The following HUNK variants were observed in gnomAD, a reference collection of about 807,000 sequenced individuals.
HUNK encodes hormonally up-regulated Neu-associated kinase.
In HUNK, 21 loss-of-function variants were observed where a neutral mutation model predicts 61.0. The ratio of observed to expected loss-of-function variants is 0.34; its 90% confidence interval spans 0.24 to 0.50. The LOEUF (loss-of-function observed/expected upper bound fraction) is 0.50, where lower values mean the gene tolerates loss of function less well. Among genes scored for constraint, HUNK ranks in the 20% least tolerant of loss-of-function variants. HUNK has a pLI of 0.98. For missense variants in HUNK, 772 were observed against 945.7 expected (o/e 0.82, Z 2.41); for synonymous variants, 371 against 386.1 (o/e 0.96, Z 0.46).
At chr21:31,933,126 G>C (rs1252112192) in intron 2 of HUNK, among the ~76,000 whole-genome samples, 1 of 151,594 alleles carries the variant, frequency 6.6e-6, no homozygotes, top group Non-Finnish European at 1.5e-5. Context: ...ATGTTGACCA[G>C]GCTGGCCTTG....
At chr21:31,972,943 G>C (rs977961223) in intron 6 of HUNK, among the ~76,000 whole-genome samples, 2 of 152,144 alleles carry the variant, frequency 1.3e-5, no homozygotes, top group Admixed American at 6.5e-5. Context: ...GCCGTGTGCA[G>C]TGGGCAAGTT....
intron 3 of HUNK, among the ~76,000 whole-genome samples, 162 bp downstream of exon 3, chr21:31,940,382 T>C (rs770796415): frequency 6.6e-6 from 1 of 152,352 alleles, no homozygotes; most frequent in East Asian, 1.9e-4. Flanking sequence ...AAATGGGTCA[T>C]GTGTTTCCTT....
At chr21:31,967,912 G>A (rs1008914231) in intron 5 of HUNK, among the ~76,000 whole-genome samples, 4 of 152,210 alleles carry the variant, frequency 2.6e-5, no homozygotes, top group Non-Finnish European at 4.4e-5. Flanking sequence ...TGGGAAACAC[G>A]GAATGGGGAG....
intron 9 of HUNK, among the ~76,000 whole-genome samples, chr21:31,994,746 G>T (rs1290444962): frequency 2.0e-5 from 3 of 152,206 alleles, no homozygotes; most frequent in African/African-American, 7.2e-5. Context: ...TAAGCTTTCT[G>T]TAAGCATCTG....
intron 9 of HUNK, among the ~76,000 whole-genome samples, chr21:31,992,674 G>T (rs146553283): frequency 1.3e-5 from 2 of 152,366 alleles, no homozygotes; most frequent in Admixed American, 6.5e-5. Flanking sequence ...GCATGTGGAA[G>T]GGGGAGGTGA....
chr21:31,892,842 G>A (rs1411285586), intron 1 of HUNK, among the ~76,000 whole-genome samples: 1 of 152,058 alleles, frequency 6.6e-6, no homozygotes, highest in Non-Finnish European at 1.5e-5. Flanking sequence ...CTGCATTCCT[G>A]GGATTCCACT....
At chr21:31,886,002 A>G (rs2052343083) in intron 1 of HUNK, among the ~76,000 whole-genome samples, 1 of 152,186 alleles carries the variant, frequency 6.6e-6, no homozygotes, top group South Asian at 2.1e-4. Flanking sequence ...AAATGCTGGG[A>G]TTACAGACTA....
rs1187426175 is a variant in HUNK, at chr21:32,000,632, C to T, written c.*1448C>T. ...GTGCAGGTGTGACCAGAGACCACCT[C>T]TGTGGCCACCTCAGATAGTCATCTC... On this transcript the variant is annotated 3_prime_UTR_variant, in exon 11 of 11. Transcript: ENST00000270112. 5.0e-6 allele frequency: 2 copies of T among 398,952 alleles called. No homozygotes were observed. Among genetic ancestry groups the T allele is most frequent in the Non-Finnish European group, 4.4e-6 (1 of 226,096 alleles). 24.7% of individuals were successfully genotyped at this position (398,952 alleles called of 1,614,324 possible). A position where few individuals can be genotyped will look rare whatever the true frequency, so the allele number is the denominator to read the frequency against.
chr21:32,003,766 T>C lies in HUNK; in HGVS notation c.*4582T>C, dbSNP rs1255254504. ...GACATGTTTTTGTGACACACAGTTA[T>C]CTCTAGGAGTTGACGTCTGTGGGCA... On this transcript the variant is annotated 3_prime_UTR_variant, in exon 11 of 11. Coordinates refer to ENST00000270112, the MANE Select transcript of HUNK (RefSeq NM_014586.2). 1 of 152,220 alleles carries C rather than the reference T, an allele frequency of 6.6e-6. No homozygotes were observed. 9.4% of individuals were successfully genotyped at this position (152,220 alleles called of 1,614,324 possible).
At chr21:31,895,953 G>T (rs1873112554) in intron 1 of HUNK, among the ~76,000 whole-genome samples, 1 of 152,184 alleles carries the variant, frequency 6.6e-6, no homozygotes, top group African/African-American at 2.4e-5. Context: ...TCATAAAGAG[G>T]TAACTAAGGC....
At chr21:31,931,763 A>G (rs1273849519) in intron 2 of HUNK, among the ~76,000 whole-genome samples, 1 of 151,822 alleles carries the variant, frequency 6.6e-6, no homozygotes, top group Non-Finnish European at 1.5e-5. Context: ...TTTGGACTCA[A>G]CCCTGAGCGG....
In HUNK at chr21:31,956,185, A is replaced by G. The variant is rs77502822; in HGVS notation, c.747-2658A>G. Among the ~76,000 whole-genome samples the G allele has an allele frequency of 9.3e-3, 1,410 of 152,356 alleles. 19 individuals carry two copies. Among genetic ancestry groups the G allele is most frequent in the African/African-American group, 0.032 (1,341 of 41,582 alleles). On this transcript the variant is annotated intron_variant, in intron 4 of 10. Transcript: ENST00000270112. Reference sequence around the variant, plus strand: ...TTTTCAAAGATGTGAAGTGCTGATCATGGAAGAGCAACTGGTCTTGTTCCA... The same window carrying G: ...TTTTCAAAGATGTGAAGTGCTGATCGTGGAAGAGCAACTGGTCTTGTTCCA...
At chr21:31,881,948 CTTTATATGTATGCTCTATGGG>C (rs2123787872) in intron 1 of HUNK, among the ~76,000 whole-genome samples, 1 of 152,262 alleles carries the variant, frequency 6.6e-6, no homozygotes, top group East Asian at 1.9e-4. Flanking sequence ...TGAAAGCTCA[CTTTATATGTATGCTCTATGGG>C]TTTTTTCCTG....
intron 4 of HUNK, among the ~76,000 whole-genome samples, chr21:31,948,038 C>T: frequency 6.6e-6 from 1 of 152,226 alleles, no homozygotes; most frequent in East Asian, 1.9e-4. Context: ...AATCATTACT[C>T]TCTATTACCC....
chr21:31,892,657 C>T (rs1388025287), intron 1 of HUNK, among the ~76,000 whole-genome samples: 5 of 151,586 alleles, frequency 3.3e-5, no homozygotes, highest in South Asian at 2.1e-4. Context: ...GTTATATTTC[C>T]GCCTTAAAAG....
rs764724200 is a variant in HUNK at position 31,974,654 on chromosome 21, C to T, written c.1110C>T (p.Arg370=). ...TGATCAACACTGTGCTCTCCAACCG[C>T]GCCTGCCACATCCTGGCCATCTACT... is the stretch of plus-strand genomic sequence containing the variant. ...SDVINTVLSN[R]ACHILAIYFL... Residue 370 remains arginine, a synonymous_variant, in exon 7 of 11, where the codon CGC becomes CGT. Transcript: ENST00000270112. 102 of 1,614,024 alleles carry T rather than the reference C, an allele frequency of 6.3e-5. No homozygotes were observed. The highest frequency in any genetic ancestry group is 9.3e-5 in the African/African-American group (7 of 75,034).
At chr21:31,882,731 C>T (rs950053907) in intron 1 of HUNK, among the ~76,000 whole-genome samples, 2 of 152,098 alleles carry the variant, frequency 1.3e-5, no homozygotes, top group African/African-American at 2.4e-5. Context: ...GTATAGTCAC[C>T]CTAACAGACA....
chr21:31,972,377 A>AGGAAAAC (rs2053017717), intron 6 of HUNK, among the ~76,000 whole-genome samples: 2 of 152,208 alleles, frequency 1.3e-5, no homozygotes, highest in African/African-American at 4.8e-5. Context: ...GTTAAGTGAT[A>AGGAAAAC]CTTGAAAGCA....
rs898142087 is a variant in HUNK at position 32,002,153 on chromosome 21, C to G, written c.*2969C>G. On this transcript the variant is annotated 3_prime_UTR_variant, in exon 11 of 11. Transcript: ENST00000270112. ...CCAGGCTGGAGTGCAGTGGCACAAT[C>G]ACAGTTCACTGCAGCCTCAACCTCT... 2 of 152,620 alleles carry G rather than the reference C, an allele frequency of 1.3e-5. No homozygotes were observed. The highest frequency in any genetic ancestry group is 4.8e-5 in the African/African-American group (2 of 41,462). The allele number at this position is 152,620 out of a possible 1,614,324, so 9.5% of individuals were successfully genotyped here.
Sources: allele counts gnomAD v4.1 joint callset (sites outside exome capture counted in the v4.1 genomes callset), GRCh38; gene constraint gnomAD v4.1.1; transcripts MANE v1.5; gene names NCBI Gene and HGNC (gene_info 2026-07-23, HGNC 2026-07-21).